Variants in LRP1B observed in about 807,000 individuals in gnomAD.
The protein encoded by LRP1B is LDL receptor related protein 1B.
In LRP1B, 217 loss-of-function variants were observed where a neutral mutation model predicts 556.6. The observed-to-expected ratio is 0.39, with a 90% CI of 0.35 to 0.44. The LOEUF (loss-of-function observed/expected upper bound fraction) is 0.44, where lower values mean the gene tolerates loss of function less well. Ranked by LOEUF, LRP1B falls within the 20% of genes least tolerant of loss-of-function variation. The pLI, the probability that LRP1B is intolerant of heterozygous loss-of-function variation, is 1.00. For missense variants in LRP1B, 5,053 were observed against 5,620.8 expected (o/e 0.90, Z 3.23); for synonymous variants, 2,047 against 1,865.8 (o/e 1.10, Z -2.50).
chr2:141,838,623 A>G (rs902893718), intron 1 of LRP1B, among the ~76,000 whole-genome samples: 1 of 152,194 alleles, frequency 6.6e-6, no homozygotes, highest in African/African-American at 2.4e-5. Context: ...TTTTGGTTGA[A>G]TGCTTCAGCA....
intron 66 of LRP1B, among the ~76,000 whole-genome samples, chr2:140,434,454 C>T (rs1686087891): frequency 6.6e-6 from 1 of 152,022 alleles, no homozygotes; most frequent in African/African-American, 2.4e-5. Context: ...TAATTTCTCT[C>T]AAGATTTTGG....
rs556045617 is a variant in LRP1B, at chr2:140,506,163, C to G, written c.8521+633G>C. Among the ~76,000 whole-genome samples, 31 of 152,034 alleles carry G rather than the reference C, an allele frequency of 2.0e-4. 1 individual carries two copies. The highest frequency in any genetic ancestry group is 7.5e-4 in the African/African-American group (31 of 41,480). ...TGATTTGGCTATACAACTGAACAAG[C>G]CAGCCATATACTGTCTTCAAATTTC... On this transcript the variant is annotated intron_variant, in intron 53 of 90. Transcript: ENST00000389484.
intron 1 of LRP1B, among the ~76,000 whole-genome samples, chr2:142,090,165 G>A (rs1208900205): frequency 1.3e-5 from 2 of 151,962 alleles, no homozygotes; most frequent in African/African-American, 4.8e-5. Context: ...AAGAAATGGA[G>A]CAAAGTTGAA....
intron 7 of LRP1B, among the ~76,000 whole-genome samples, chr2:141,165,134 C>A (rs953622927): frequency 7.9e-5 from 12 of 151,874 alleles, no homozygotes; most frequent in African/African-American, 2.9e-4. Context: ...ACATAAACAC[C>A]TAGATTAAAA....
At position 141,323,519 on chromosome 2, in the gene LRP1B, C is replaced by T. The variant is rs554766555; in HGVS notation, c.344-68878G>A. ...TTCCATTCTTTTTTTCATTTAAATG[C>T]TCCCTAAACTTCTGTATTCTGACCT... On this transcript the variant is annotated intron_variant, in intron 3 of 90. Coordinates refer to ENST00000389484, the MANE Select transcript of LRP1B (RefSeq NM_018557.3). 1.1e-4 allele frequency among the ~76,000 whole-genome samples: 16 copies of T among 152,116 alleles called. No homozygotes were observed. In the South Asian group the frequency reaches 3.1e-3, roughly 30 times the overall value.
At chr2:141,212,450 T>A (rs1682604527) in intron 6 of LRP1B, among the ~76,000 whole-genome samples, 1 of 151,068 alleles carries the variant, frequency 6.6e-6, no homozygotes, top group African/African-American at 2.4e-5. Flanking sequence ...GGATAATTTT[T>A]TTTTTTTTGT....
At chr2:141,066,418 C>A (rs375409710) in intron 7 of LRP1B, among the ~76,000 whole-genome samples, 176 of 151,988 alleles carry the variant, frequency 1.2e-3, no homozygotes, top group Non-Finnish European at 2.0e-3. Context: ...ACAAAGGGAG[C>A]GCTCATGGAC....
rs1682921569 is a variant in LRP1B, at chr2:141,218,771, A to G, written c.850+10412T>C. 4.6e-5 allele frequency among the ~76,000 whole-genome samples: 7 copies of G among 152,334 alleles called. No homozygotes were observed. The South Asian group carries it at 1.5e-3, about 32-fold the overall frequency. ...AACCTGTACATGTACCCCTGAATCT[A>G]CAATAAAAAAACAGAGGGGAGAGGA... On this transcript the variant is annotated intron_variant, in intron 6 of 90. Transcript: ENST00000389484.
chr2:141,497,182 T>C (rs1683538834), intron 2 of LRP1B, among the ~76,000 whole-genome samples: 2 of 152,076 alleles, frequency 1.3e-5, no homozygotes, highest in Non-Finnish European at 1.5e-5. Flanking sequence ...TTTATTTTTC[T>C]TCTTACTTTC....
chr2:141,074,034 A>G (rs1389930325), intron 7 of LRP1B, among the ~76,000 whole-genome samples: 1 of 152,130 alleles, frequency 6.6e-6, no homozygotes, highest in Non-Finnish European at 1.5e-5. Flanking sequence ...AGAAATAGGA[A>G]TCAAATCTTA....
chr2:141,553,479 A>G (rs1232612852), intron 2 of LRP1B, among the ~76,000 whole-genome samples: 2 of 151,466 alleles, frequency 1.3e-5, no homozygotes, highest in African/African-American at 4.8e-5. Flanking sequence ...AATTATCCCA[A>G]ATTTTTTCTC....
Position 140,378,261 on chromosome 2 carries a change from A to G in LRP1B, c.10557T>C (p.Asp3519=), listed in dbSNP as rs764874597. The G allele has an allele frequency of 6.2e-7, 1 of 1,612,458 alleles. No homozygotes were observed. Among genetic ancestry groups the G allele is most frequent in the Non-Finnish European group, 8.5e-7 (1 of 1,178,606 alleles). The part of the protein sequence containing the change: ...NCKPQTCTLK[D]FLCANGDCVS... ...CACAGTCCCCATTGGCACAGAGGAAATCTTTCAATGTACATGTCTGTGGCT... is the reference window on the plus strand; with the variant it reads ...CACAGTCCCCATTGGCACAGAGGAAGTCTTTCAATGTACATGTCTGTGGCT... Residue 3519 remains aspartate, a synonymous_variant, in exon 68 of 91, where the codon GAT becomes GAC. Transcript: ENST00000389484.
At chr2:141,227,094 C>G (rs948738905) in intron 6 of LRP1B, among the ~76,000 whole-genome samples, 46 of 152,138 alleles carry the variant, frequency 3.0e-4, no homozygotes, top group African/African-American at 1.1e-3. Context: ...CTTAATAAAT[C>G]AAATTTAATC....
intron 81 of LRP1B, among the ~76,000 whole-genome samples, chr2:140,323,358 A>ACT (rs1255485028): frequency 2.0e-5 from 3 of 150,872 alleles, no homozygotes; most frequent in African/African-American, 7.4e-5. Context: ...AAAATATACA[A>ACT]CTCTTGGGAA....
chr2:141,063,782 C>T (rs527749638), intron 7 of LRP1B, among the ~76,000 whole-genome samples: 10 of 151,880 alleles, frequency 6.6e-5, no homozygotes, highest in Admixed American at 1.3e-4. Context: ...CTACATGAAA[C>T]TTTTTCTCAC....
chr2:141,138,430 C>G (rs1701543493), intron 7 of LRP1B, among the ~76,000 whole-genome samples: 1 of 151,468 alleles, frequency 6.6e-6, no homozygotes, highest in African/African-American at 2.4e-5. Context: ...TGCCCTCAGG[C>G]AAGAAAAAGA....
intron 66 of LRP1B, among the ~76,000 whole-genome samples, chr2:140,433,388 G>A (rs1166846441): frequency 6.6e-6 from 1 of 152,104 alleles, no homozygotes; most frequent in Non-Finnish European, 1.5e-5. Context: ...GTGAGCCACT[G>A]TGCCTGACAG....
At chr2:141,392,870 G>A (rs963985417) in intron 3 of LRP1B, among the ~76,000 whole-genome samples, 3 of 152,134 alleles carry the variant, frequency 2.0e-5, no homozygotes, top group Non-Finnish European at 4.4e-5. Context: ...GCCAGCTCCA[G>A]AGAAATCCCA....
intron 1 of LRP1B, among the ~76,000 whole-genome samples, chr2:142,065,934 C>G (rs1479460467): frequency 6.6e-6 from 1 of 151,334 alleles, no homozygotes; most frequent in Non-Finnish European, 1.5e-5. Context: ...GATCAAATTT[C>G]TCTCCATCTG....
Sources: allele counts gnomAD v4.1 joint callset (sites outside exome capture counted in the v4.1 genomes callset), GRCh38; gene constraint gnomAD v4.1.1; transcripts MANE v1.5; gene names NCBI Gene and HGNC (gene_info 2026-07-23, HGNC 2026-07-21).